RYR3: variants seen among roughly 807,000 people sequenced by gnomAD.
RYR3 encodes ryanodine receptor 3, also known as brain ryanodine receptor-calcium release channel.
In RYR3, 207 loss-of-function variants were observed where a neutral mutation model predicts 584.3. The observed-to-expected ratio is 0.35, with a 90% CI of 0.32 to 0.40. The LOEUF is 0.40. Among genes scored for constraint, RYR3 ranks in the 10% least tolerant of loss-of-function variants. The probability of loss-of-function intolerance (pLI) is 1.00; values close to 1 mark genes in which losing one functional copy is unlikely to be tolerated. For synonymous variants in RYR3, 2,416 were observed against 2,248.5 expected (o/e 1.07, Z -2.11); for missense variants, 5,616 against 6,089.2 (o/e 0.92, Z 2.59).
chr15:33,339,028 C>T (rs916503882), intron 1 of RYR3, among the ~76,000 whole-genome samples: 1 of 152,034 alleles, frequency 6.6e-6, no homozygotes, highest in Non-Finnish European at 1.5e-5. Flanking sequence ...AGAGGGCTTC[C>T]GAAGACTGGT....
intron 38 of RYR3, among the ~76,000 whole-genome samples, chr15:33,683,538 A>C (rs578083218): frequency 6.6e-6 from 1 of 152,232 alleles, no homozygotes; most frequent in African/African-American, 2.4e-5. Context: ...AAATAGGAAC[A>C]GCTCTGGTCT....
chr15:33,778,651 G>A (rs962593423), intron 64 of RYR3, among the ~76,000 whole-genome samples: 1 of 152,200 alleles, frequency 6.6e-6, no homozygotes, highest in Non-Finnish European at 1.5e-5. Context: ...TGAAAGCTTC[G>A]CCAATATCAC....
chr15:33,581,046 C>CTGGGGGGGGGGG (rs2058564010), intron 13 of RYR3, among the ~76,000 whole-genome samples: 1 of 10,584 alleles, frequency 9.4e-5, no homozygotes, highest in Non-Finnish European at 1.9e-4. Flanking sequence ...TGCAGGGGGC[C>CTGGGGGGGGGGG]GGGGGGGTGG....
At position 33,613,291 on chromosome 15, in the gene RYR3, A is replaced by T; in HGVS notation, c.2273A>T (p.Asn758Ile). ...LGVPSISFRINGQPVQGMFEN... is the reference protein window; with the variant it reads ...LGVPSISFRIIGQPVQGMFEN... ...GTGCCCAGCATCTCATTCCGCATCA[A>T]TGGGCAGCCCGTGCAGGGGATGTTT... The change falls in exon 19 of 104, where the codon AAT (asparagine) becomes ATT (isoleucine). Residue 758 changes from asparagine to isoleucine, a missense_variant. Transcript: ENST00000634891. 6.2e-7 allele frequency: 1 copy of T among 1,613,980 alleles called. No homozygotes were observed. Among genetic ancestry groups the T allele is most frequent in the Non-Finnish European group, 8.5e-7 (1 of 1,179,880 alleles).
At chr15:33,840,613 T>C in intron 89 of RYR3, 1 of 592,786 alleles carries the variant, frequency 1.7e-6, no homozygotes, top group Non-Finnish European at 3.0e-6. Context: ...AGAAGGGAGG[T>C]TGAGTTTTCA....
chr15:33,336,470 GAGAGAGAGAGAGAGA>G lies in RYR3; in HGVS notation c.51+25375_51+25389del, dbSNP rs1567046835. 5.2e-4 allele frequency among the ~76,000 whole-genome samples: 20 copies of G among 38,806 alleles called. 5 individuals carry two copies. Among genetic ancestry groups the G allele is most frequent in the African/African-American group, 3.7e-3 (15 of 4,076 alleles). The allele number at this position is 38,806 out of a possible 152,430, so 25.5% of individuals were successfully genotyped here. ...AGAGAGAGAGAGAGAGAGAGAGAGA[GAGAGAGAGAGAGAGA>G]GAAAGAAAGAAAGAAAGAAGGAGGG... is the stretch of plus-strand genomic sequence containing the variant. On this transcript the variant is annotated intron_variant, in intron 1 of 103. Transcript: ENST00000634891.
chr15:33,461,094 G>A (rs528971729), intron 1 of RYR3, among the ~76,000 whole-genome samples: 23 of 151,660 alleles, frequency 1.5e-4, no homozygotes, highest in Middle Eastern at 3.4e-3. Context: ...ACAGGCACCC[G>A]CCACCACGCC....
chr15:33,849,753 C>G (rs949767042), intron 94 of RYR3: 1 of 152,154 alleles, frequency 6.6e-6, no homozygotes, highest in Non-Finnish European at 1.5e-5. Flanking sequence ...TGTGTCCTAT[C>G]CAAAGATGAT....
intron 1 of RYR3, chr15:33,465,623 A>G: frequency 2.1e-6 from 1 of 476,678 alleles, no homozygotes; most frequent in Non-Finnish European, 4.2e-6. Context: ...GAGGCTTTCA[A>G]GTCGTGAAAT....
chr15:33,535,183 ATGT>A (rs1331553508), intron 5 of RYR3, among the ~76,000 whole-genome samples: 1 of 152,208 alleles, frequency 6.6e-6, no homozygotes, highest in Non-Finnish European at 1.5e-5. Flanking sequence ...ACAAGAGCCT[ATGT>A]TGTTATTCTA....
At chr15:33,443,215 C>T (rs752901765) in intron 1 of RYR3, among the ~76,000 whole-genome samples, 2 of 151,166 alleles carry the variant, frequency 1.3e-5, no homozygotes, top group African/African-American at 4.9e-5. Flanking sequence ...GCTGAGATTG[C>T]ACCACTGCAC....
chr15:33,572,653 A>AC (rs1276059476), intron 12 of RYR3, among the ~76,000 whole-genome samples: 1,908 of 127,176 alleles, frequency 0.015, 58 homozygotes, highest in African/African-American at 0.061. Flanking sequence ...AAAAAAAACT[A>AC]TATATACACA....
intron 72 of RYR3, among the ~76,000 whole-genome samples, chr15:33,811,967 A>T (rs372406526): frequency 3.2e-4 from 49 of 152,294 alleles, no homozygotes; most frequent in African/African-American, 1.2e-3. Flanking sequence ...CGCCCCAAAC[A>T]TATAGGAATG....
intron 69 of RYR3, among the ~76,000 whole-genome samples, chr15:33,803,549 C>T (rs1351906402): frequency 1.3e-5 from 2 of 152,244 alleles, no homozygotes; most frequent in Middle Eastern, 6.8e-3. Context: ...TGGAGTCTCA[C>T]TCTGTTGCCC....
chr15:33,464,501 T>TACACAC (rs1388636079), intron 1 of RYR3, among the ~76,000 whole-genome samples: 3 of 100,152 alleles, frequency 3.0e-5, no homozygotes, highest in East Asian at 2.1e-4. Flanking sequence ...CACATATATA[T>TACACAC]ATACATACAC....
At chr15:33,516,385 C>T (rs774909308) in intron 3 of RYR3, among the ~76,000 whole-genome samples, 40 of 151,758 alleles carry the variant, frequency 2.6e-4, no homozygotes, top group Non-Finnish European at 5.2e-4. Context: ...ACTCCGTCAC[C>T]CTGGCTAGCG....
intron 37 of RYR3, among the ~76,000 whole-genome samples, chr15:33,670,027 G>A (rs949031742): frequency 6.6e-6 from 1 of 152,042 alleles, no homozygotes; most frequent in Admixed American, 6.6e-5. Context: ...TAATATATGG[G>A]TAATTGACAA....
At position 33,574,976 on chromosome 15, in the gene RYR3, A is replaced by G. The variant is rs560294008; in HGVS notation, c.1269-5000A>G. On this transcript the variant is annotated intron_variant, in intron 12 of 103. Transcript: ENST00000634891. Reference sequence around the variant, plus strand: ...AAAGTGGAAAAAAGCAGGGGTTATAATCTTAGTTTCTGACAAGACAGACTT... The same window carrying G: ...AAAGTGGAAAAAAGCAGGGGTTATAGTCTTAGTTTCTGACAAGACAGACTT... Among the ~76,000 whole-genome samples, 5 of 152,364 alleles carry G rather than the reference A, an allele frequency of 3.3e-5. No homozygotes were observed. The East Asian group carries it at 5.8e-4, about 18-fold the overall frequency.
intron 1 of RYR3, among the ~76,000 whole-genome samples, chr15:33,432,943 C>A (rs2676028): frequency 6.6e-6 from 1 of 151,668 alleles, no homozygotes; most frequent in Non-Finnish European, 1.5e-5. Context: ...ATTAATCTAG[C>A]CTTAGAACCG....
Sources: allele counts gnomAD v4.1 joint callset (sites outside exome capture counted in the v4.1 genomes callset), GRCh38; gene constraint gnomAD v4.1.1; transcripts MANE v1.5; gene names NCBI Gene and HGNC (gene_info 2026-07-23, HGNC 2026-07-21).